Variants in CYP19A1 observed in about 807,000 individuals in gnomAD.
CYP19A1 encodes aromatase.
In CYP19A1, 32 loss-of-function variants were observed where a neutral mutation model predicts 44.4. The ratio of observed to expected loss-of-function variants is 0.72; its 90% CI spans 0.54 to 0.97. The LOEUF is 0.97. Ranked by LOEUF, CYP19A1 falls within the 50% of genes least tolerant of loss-of-function variation. CYP19A1 has a pLI of 0.00. For missense variants in CYP19A1, 598 were observed against 637.8 expected, an observed-to-expected ratio of 0.94 and a Z score of 0.67; for synonymous variants, 212 against 215.6, an observed-to-expected ratio of 0.98 and a Z score of 0.14.
intron 1 of CYP19A1, among the ~76,000 whole-genome samples, chr15:51,303,181 G>A (rs1218073540): frequency 6.6e-6 from 1 of 152,124 alleles, no homozygotes; most frequent in Non-Finnish European, 1.5e-5. Context: ...AGATGGGGTG[G>A]GCAGATGTGG....
intron 1 of CYP19A1, among the ~76,000 whole-genome samples, chr15:51,331,210 C>T (rs1479000169): frequency 6.6e-6 from 1 of 152,158 alleles, no homozygotes; most frequent in Non-Finnish European, 1.5e-5. Flanking sequence ...TGTTCAGCAA[C>T]ATTTTTTCCA....
intron 2 of CYP19A1, among the ~76,000 whole-genome samples, chr15:51,241,535 G>A (rs1047861486): frequency 6.6e-6 from 1 of 152,072 alleles, no homozygotes; most frequent in Non-Finnish European, 1.5e-5. Context: ...AGGAAAAAAA[G>A]GCTCTCCACC....
At chr15:51,303,656 G>A (rs548669043) in intron 1 of CYP19A1, among the ~76,000 whole-genome samples, 34 of 152,120 alleles carry the variant, frequency 2.2e-4, no homozygotes, top group Non-Finnish European at 4.1e-4. Context: ...ACAAGGAAGT[G>A]AAAACCAGCA....
chr15:51,246,967 G>T (rs567580862), intron 1 of CYP19A1, among the ~76,000 whole-genome samples: 7 of 151,986 alleles, frequency 4.6e-5, no homozygotes, highest in African/African-American at 1.7e-4. Context: ...CTGCCTGATC[G>T]CACCAAAACC....
At position 51,215,133 on chromosome 15, in the gene CYP19A1, A is replaced by C; in HGVS notation, c.958T>G (p.Phe320Val). Reference protein sequence around the residue: ...TMSVSLFFMLFLIAKHPNVEE... With the variant: ...TMSVSLFFMLVLIAKHPNVEE... ...ACATTAGGGTGCTTTGCAATGAGAA[A>C]TAGCATGAAGAACAAAGAGACAGAC... The change falls in exon 8 of 10, where the codon TTT becomes GTT. Residue 320 changes from phenylalanine to valine, a missense_variant. Phe to Val is a conservative substitution (Grantham distance 50). Transcript: ENST00000396402. 1.2e-6 allele frequency: 2 copies of C among 1,614,122 alleles called. No homozygotes were observed. Among genetic ancestry groups the C allele is most frequent in the Admixed American group, 3.3e-5 (2 of 60,018 alleles).
chr15:51,256,750 C>A (rs1357060614), intron 1 of CYP19A1, among the ~76,000 whole-genome samples: 1 of 152,148 alleles, frequency 6.6e-6, no homozygotes, highest in Non-Finnish European at 1.5e-5. Context: ...AACACAAAGG[C>A]AAACACATGT....
chr15:51,293,919 C>G (rs2035908920), intron 1 of CYP19A1: 1 of 213,828 alleles, frequency 4.7e-6, no homozygotes, highest in Admixed American at 5.9e-5. Context: ...ACCTCCACCT[C>G]CCAGCCGCCT....
chr15:51,287,809 G>T (rs769174352), intron 1 of CYP19A1, among the ~76,000 whole-genome samples: 34 of 152,216 alleles, frequency 2.2e-4, no homozygotes, highest in Non-Finnish European at 4.7e-4. Flanking sequence ...GTCCCAGGTT[G>T]CCAGCCAATT....
intron 1 of CYP19A1, among the ~76,000 whole-genome samples, chr15:51,261,127 G>A (rs2034703043): frequency 6.6e-6 from 1 of 152,212 alleles, no homozygotes; most frequent in African/African-American, 2.4e-5. Flanking sequence ...TAAGTGCTCA[G>A]GTTCAGCCTA....
intron 8 of CYP19A1, among the ~76,000 whole-genome samples, chr15:51,213,091 T>A (rs1275548472): frequency 6.6e-6 from 1 of 152,178 alleles, no homozygotes; most frequent in Non-Finnish European, 1.5e-5. Context: ...AGAGTCAAAG[T>A]GAGATGGCAG....
chr15:51,263,594 A>T (rs2034809752), intron 1 of CYP19A1, among the ~76,000 whole-genome samples: 1 of 152,182 alleles, frequency 6.6e-6, no homozygotes, highest in African/African-American at 2.4e-5. Flanking sequence ...AGATTTGGAA[A>T]AGAGAGGGTA....
At chr15:51,314,114 G>T (rs1348379150) in intron 1 of CYP19A1, 1 of 151,976 alleles carries the variant, frequency 6.6e-6, no homozygotes, top group Non-Finnish European at 1.5e-5. Flanking sequence ...CACACAGCCA[G>T]GAGGGAGCAG....
At chr15:51,279,916 A>G (rs112792857) in intron 1 of CYP19A1, 2 of 152,168 alleles carry the variant, frequency 1.3e-5, no homozygotes, top group Non-Finnish European at 2.9e-5. Flanking sequence ...AAGTGTTTGC[A>G]TGGGGCTTTT....
chr15:51,242,536 C>T (rs935476516), intron 2 of CYP19A1, among the ~76,000 whole-genome samples: 10 of 152,088 alleles, frequency 6.6e-5, no homozygotes, highest in African/African-American at 1.4e-4. Context: ...TACGAAAGCA[C>T]AGCACAGAGT....
chr15:51,291,683 C>T (rs941319964), intron 1 of CYP19A1, among the ~76,000 whole-genome samples: 1 of 152,166 alleles, frequency 6.6e-6, no homozygotes, highest in African/African-American at 2.4e-5. Flanking sequence ...ATAGATGAGA[C>T]TGGCTGAGAT....
chr15:51,291,995 AAC>A (rs2035857398), intron 1 of CYP19A1, among the ~76,000 whole-genome samples: 1 of 152,254 alleles, frequency 6.6e-6, no homozygotes, highest in African/African-American at 2.4e-5. Flanking sequence ...TTAGCAGTCC[AAC>A]ACACTGTGAC....
intron 1 of CYP19A1, among the ~76,000 whole-genome samples, chr15:51,252,688 G>T (rs2034364719): frequency 6.6e-6 from 1 of 152,204 alleles, no homozygotes; most frequent in Admixed American, 6.5e-5. Context: ...TGCCAAGGAG[G>T]GTTCCAGTGC....
At chr15:51,331,985 C>T (rs2036709579) in intron 1 of CYP19A1, among the ~76,000 whole-genome samples, 1 of 151,666 alleles carries the variant, frequency 6.6e-6, no homozygotes, top group South Asian at 2.1e-4. Context: ...AAGCATATAA[C>T]TGTCTGCTTT....
intron 1 of CYP19A1, among the ~76,000 whole-genome samples, chr15:51,326,471 T>A (rs567161044): frequency 1.3e-5 from 2 of 152,320 alleles, no homozygotes; most frequent in South Asian, 4.1e-4. Context: ...ACGATAAAGT[T>A]GAGAATGTGG....
Sources: gnomAD v4.1 joint callset for allele counts (sites outside exome capture counted in the v4.1 genomes callset) on GRCh38, gnomAD v4.1.1 for gene constraint, MANE v1.5 for transcripts, NCBI Gene and HGNC (gene_info 2026-07-23, HGNC 2026-07-21) for gene names.